The following GRIN2A variants were observed in gnomAD, a reference collection of about 807,000 sequenced individuals.
GRIN2A encodes the protein glutamate receptor ionotropic, NMDA 2A.
Under a neutral mutation model 113.4 loss-of-function variants are expected in GRIN2A, and 22 were observed. The observed-to-expected ratio is 0.19, with a 90% CI of 0.14 to 0.28. The LOEUF is 0.28. GRIN2A is among the 10% of genes least tolerant of loss of function. The pLI is 1.00. For missense variants in GRIN2A, 1,502 were observed against 1,887.0 expected (o/e 0.80, Z 3.78); for synonymous variants, 827 against 738.4 (o/e 1.12, Z -1.94).
At chr16:9,942,249 T>C (rs961263898) in intron 2 of GRIN2A, among the ~76,000 whole-genome samples, 4 of 152,172 alleles carry the variant, frequency 2.6e-5, no homozygotes, top group Non-Finnish European at 5.9e-5. Flanking sequence ...ATAGCTCCCA[T>C]AGGCCTACCA....
chr16:10,158,777 G>A (rs1036431207), intron 2 of GRIN2A, among the ~76,000 whole-genome samples: 2 of 152,190 alleles, frequency 1.3e-5, no homozygotes, highest in South Asian at 2.1e-4. Flanking sequence ...GAAATAGATC[G>A]TAACTGCTTG....
intron 4 of GRIN2A, among the ~76,000 whole-genome samples, chr16:9,865,194 A>C (rs1373292115): frequency 6.6e-6 from 1 of 152,226 alleles, no homozygotes; most frequent in African/African-American, 2.4e-5. Flanking sequence ...TGCCCAGTTA[A>C]AAACGTGATT....
chr16:10,171,930 G>A (rs1237043511), intron 2 of GRIN2A, among the ~76,000 whole-genome samples: 1 of 152,152 alleles, frequency 6.6e-6, no homozygotes, highest in African/African-American at 2.4e-5. Flanking sequence ...CCAGTAAGAG[G>A]TGGAATCCCT....
chr16:9,949,537 T>G (rs1228062094), intron 2 of GRIN2A, among the ~76,000 whole-genome samples: 1 of 148,624 alleles, frequency 6.7e-6, no homozygotes, highest in Non-Finnish European at 1.5e-5. Flanking sequence ...AACAGATGGA[T>G]GGATGGTTGG....
In GRIN2A at chr16:9,763,588, A is replaced by T. The variant is rs2141128078; in HGVS notation, c.3956T>A (p.Leu1319His). 1 of 1,613,744 alleles carries T rather than the reference A, an allele frequency of 6.2e-7. No homozygotes were observed. Among genetic ancestry groups the T allele is most frequent in the Non-Finnish European group, 8.5e-7 (1 of 1,180,000 alleles). Residue 1319 changes from leucine (L) to histidine (H), a missense_variant, in exon 13 of 13, where the codon CTT becomes CAT. By Grantham distance (99) the Leu-to-His change is moderately conservative. Transcript: ENST00000330684. The part of the protein sequence containing the change: ...RSISLKDRER[L>H]LEGNFYGSLF... ...GCTGCCGTAAAAATTTCCCTCCAGA[A>T]GCCGTTCCCTGTCCTTGAGGCTTAT...
At chr16:9,812,200 G>A (rs1329349461) in intron 10 of GRIN2A, among the ~76,000 whole-genome samples, 1 of 152,152 alleles carries the variant, frequency 6.6e-6, no homozygotes, top group Non-Finnish European at 1.5e-5. Context: ...CTCAATGCCT[G>A]TTTCCTCAAA....
intron 2 of GRIN2A, among the ~76,000 whole-genome samples, chr16:10,009,389 T>C (rs1469974846): frequency 6.6e-6 from 1 of 151,850 alleles, no homozygotes; most frequent in African/African-American, 2.4e-5. Flanking sequence ...GAAGTGAGGA[T>C]TAGGAGCTAA....
chr16:10,133,349 T>C (rs564264772), intron 2 of GRIN2A, among the ~76,000 whole-genome samples: 3 of 152,366 alleles, frequency 2.0e-5, no homozygotes, highest in Non-Finnish European at 4.4e-5. Context: ...GACTCATGCC[T>C]GTAATCCCAG....
chr16:9,814,998 G>C (rs927345326), intron 10 of GRIN2A, among the ~76,000 whole-genome samples: 1 of 146,920 alleles, frequency 6.8e-6, no homozygotes, highest in African/African-American at 2.5e-5. Flanking sequence ...TCCAGCCCGG[G>C]CAACAAGAGC....
At chr16:9,976,709 T>C (rs779855771) in intron 2 of GRIN2A, among the ~76,000 whole-genome samples, 3 of 152,258 alleles carry the variant, frequency 2.0e-5, no homozygotes, top group African/African-American at 7.2e-5. Context: ...ATTCCAGTAA[T>C]GAAATCACAG....
At chr16:9,828,932 T>C (rs1381058258) in intron 9 of GRIN2A, among the ~76,000 whole-genome samples, 1 of 152,190 alleles carries the variant, frequency 6.6e-6, no homozygotes, top group Admixed American at 6.5e-5. Flanking sequence ...TGAGACTGAT[T>C]TGGCTGTATG....
intron 7 of GRIN2A, among the ~76,000 whole-genome samples, chr16:9,837,133 T>C (rs893979249): frequency 6.6e-5 from 10 of 152,146 alleles, no homozygotes; most frequent in African/African-American, 2.4e-4. Flanking sequence ...ACTAAGCCAG[T>C]GAATGGAAAA....
chr16:9,767,207 A>G (rs1900970813), intron 12 of GRIN2A, among the ~76,000 whole-genome samples: 4 of 152,212 alleles, frequency 2.6e-5, no homozygotes. Context: ...GCTAATTAGG[A>G]AATATGTATT....
chr16:9,826,378 T>C (rs2042387496), intron 9 of GRIN2A, among the ~76,000 whole-genome samples: 1 of 152,166 alleles, frequency 6.6e-6, no homozygotes, highest in Non-Finnish European at 1.5e-5. Flanking sequence ...TAGGGAAGCA[T>C]CTTACCCATG....
intron 2 of GRIN2A, among the ~76,000 whole-genome samples, chr16:10,030,441 A>G (rs1231020756): frequency 6.6e-6 from 1 of 151,894 alleles, no homozygotes; most frequent in African/African-American, 2.4e-5. Flanking sequence ...CTCAGACTTC[A>G]CCCCTGCTAT....
At chr16:10,136,398 T>C (rs1458442035) in intron 2 of GRIN2A, among the ~76,000 whole-genome samples, 3 of 152,176 alleles carry the variant, frequency 2.0e-5, no homozygotes, top group Admixed American at 2.0e-4. Context: ...AACTAGGTGC[T>C]AATGAAACCA....
intron 11 of GRIN2A, among the ~76,000 whole-genome samples, chr16:9,770,316 C>T (rs933472290): frequency 9.2e-5 from 14 of 152,192 alleles, no homozygotes; most frequent in African/African-American, 1.4e-4. Flanking sequence ...GAAAAATTAA[C>T]GAAATACTCC....
At chr16:9,915,373 C>A (rs1290081775) in intron 3 of GRIN2A, among the ~76,000 whole-genome samples, 1 of 151,636 alleles carries the variant, frequency 6.6e-6, no homozygotes, top group Non-Finnish European at 1.5e-5. Context: ...TAATAGCCAC[C>A]TTCCTTAAGA....
chr16:10,073,569 C>G (rs141432232), intron 2 of GRIN2A, among the ~76,000 whole-genome samples: 1 of 151,996 alleles, frequency 6.6e-6, no homozygotes, highest in African/African-American at 2.4e-5. Context: ...CCTAATCTAC[C>G]GTGATGTGTG....
Sources: allele counts gnomAD v4.1 joint callset (sites outside exome capture counted in the v4.1 genomes callset), GRCh38; gene constraint gnomAD v4.1.1; transcripts MANE v1.5; gene names NCBI Gene and HGNC (gene_info 2026-07-23, HGNC 2026-07-21).